Variants in TBC1D32 observed in about 807,000 individuals in gnomAD.
The protein encoded by TBC1D32 is protein broad-minded.
TBC1D32 carries 151 observed loss-of-function variants against 170.3 expected under a neutral mutation model. The ratio of observed to expected loss-of-function variants is 0.89; its 90% CI spans 0.78 to 1.01. The LOEUF (loss-of-function observed/expected upper bound fraction) is 1.01. TBC1D32 is among the 50% of genes least tolerant of loss of function. The probability of loss-of-function intolerance (pLI) is 0.00; values close to 1 mark genes in which losing one functional copy is unlikely to be tolerated. For synonymous variants in TBC1D32, 498 were observed against 488.0 expected (o/e 1.02, Z -0.27); for missense variants, 1,464 against 1,457.1 (o/e 1.00, Z -0.08).
At chr6:121,308,559 G>T (rs1321560274) in intron 4 of TBC1D32, among the ~76,000 whole-genome samples, 1 of 151,532 alleles carries the variant, frequency 6.6e-6, no homozygotes, top group South Asian at 2.1e-4. Flanking sequence ...AAAACAATCA[G>T]TTTGAACTTG....
chr6:121,327,713 G>A (rs1213442411), intron 1 of TBC1D32, among the ~76,000 whole-genome samples: 1 of 152,146 alleles, frequency 6.6e-6, no homozygotes, highest in Non-Finnish European at 1.5e-5. Flanking sequence ...TAAGAAATAT[G>A]AGCCTGGTGT....
intron 29 of TBC1D32, among the ~76,000 whole-genome samples, chr6:121,107,704 T>C (rs1214077559): frequency 6.6e-6 from 1 of 151,970 alleles, no homozygotes; most frequent in Admixed American, 6.6e-5. Context: ...AATCAACTCA[T>C]AAGTGTATTT....
intron 11 of TBC1D32, among the ~76,000 whole-genome samples, chr6:121,294,063 A>C (rs1477192996): frequency 6.6e-6 from 1 of 152,206 alleles, no homozygotes; most frequent in East Asian, 1.9e-4. Context: ...CATTTTAGTC[A>C]ATAACTACAG....
intron 31 of TBC1D32, among the ~76,000 whole-genome samples, chr6:121,086,523 C>G (rs1409456355): frequency 6.6e-6 from 1 of 152,104 alleles, no homozygotes; most frequent in Non-Finnish European, 1.5e-5. Context: ...ATAGCAGCTG[C>G]AATAGCACCA....
intron 22 of TBC1D32, among the ~76,000 whole-genome samples, chr6:121,201,025 G>A (rs976819328): frequency 4.0e-5 from 6 of 151,114 alleles, no homozygotes; most frequent in Non-Finnish European, 8.8e-5. Flanking sequence ...AGATGGGTGA[G>A]GGCTTTATAA....
chr6:121,091,376 C>T (rs1776781274), intron 30 of TBC1D32, among the ~76,000 whole-genome samples: 1 of 152,200 alleles, frequency 6.6e-6, no homozygotes, highest in South Asian at 2.1e-4. Context: ...TGCTAAGAGA[C>T]TATTTTAATT....
chr6:121,086,872 C>A (rs761718516), intron 31 of TBC1D32, among the ~76,000 whole-genome samples: 2 of 152,122 alleles, frequency 1.3e-5, no homozygotes, highest in African/African-American at 4.8e-5. Flanking sequence ...TGTGTGTATG[C>A]GCGCTACAGA....
intron 15 of TBC1D32, among the ~76,000 whole-genome samples, chr6:121,264,696 A>T (rs956159202): frequency 7.9e-5 from 12 of 152,178 alleles, no homozygotes; most frequent in African/African-American, 2.9e-4. Context: ...ATCCAGCAGC[A>T]CATCAAAAAG....
chr6:121,309,991 C>A (rs1023077673), intron 4 of TBC1D32, among the ~76,000 whole-genome samples: 2 of 151,882 alleles, frequency 1.3e-5, no homozygotes, highest in African/African-American at 2.4e-5. Flanking sequence ...TTCATGATTG[C>A]GCCACTGTGC....
At chr6:121,325,211 CAAAA>C (rs1241989773) in intron 1 of TBC1D32, among the ~76,000 whole-genome samples, 1 of 67,934 alleles carries the variant, frequency 1.5e-5, no homozygotes, top group African/African-American at 4.7e-5. Flanking sequence ...GACTCCATCT[CAAAA>C]AAAAAAAAAA....
At chr6:121,085,350 C>CATATATATACATATATATATGTGTATAT (rs1776138608) in intron 31 of TBC1D32, among the ~76,000 whole-genome samples, 1 of 108,170 alleles carries the variant, frequency 9.2e-6, no homozygotes, top group Non-Finnish European at 1.6e-5. Flanking sequence ...TATATACATA[C>CATATATATACATATATATATGTGTATAT]ATATATATAC....
At chr6:121,081,193 A>G (rs761553378) in intron 31 of TBC1D32, among the ~76,000 whole-genome samples, 21 of 152,220 alleles carry the variant, frequency 1.4e-4, no homozygotes, top group Non-Finnish European at 2.4e-4. Flanking sequence ...ATCATGTTAT[A>G]CAATGATTGT....
chr6:121,220,248 T>C (rs1355310550), intron 21 of TBC1D32, among the ~76,000 whole-genome samples: 1 of 152,144 alleles, frequency 6.6e-6, no homozygotes, highest in Non-Finnish European at 1.5e-5. Context: ...AAGTTGTGCA[T>C]GCAAAGAAAA....
intron 24 of TBC1D32, 43 bp downstream of exon 24, chr6:121,159,967 A>G (rs375730401): frequency 4.1e-4 from 552 of 1,355,372 alleles, no homozygotes; most frequent in Non-Finnish European, 4.3e-4. Context: ...AATTATAACA[A>G]AAGCTTTAAA....
At chr6:121,299,553 A>C in intron 9 of TBC1D32, 48 bp from the exon 10 acceptor site, 1 of 1,451,974 alleles carries the variant, frequency 6.9e-7, no homozygotes, top group Non-Finnish European at 9.3e-7. Context: ...GTGCCACTCA[A>C]AATCTATTTT....
intron 22 of TBC1D32, among the ~76,000 whole-genome samples, chr6:121,194,737 C>T (rs1478224865): frequency 6.6e-6 from 1 of 152,220 alleles, no homozygotes; most frequent in Non-Finnish European, 1.5e-5. Context: ...TGTCCCACCT[C>T]AGAGGTATAT....
rs1755540820 is a variant in TBC1D32 at position 121,245,733 on chromosome 6, C to T, written c.2019-3394G>A. Among the ~76,000 whole-genome samples the T allele has an allele frequency of 2.6e-5, 4 of 151,998 alleles. No homozygotes were observed. In the South Asian group the frequency reaches 6.2e-4, roughly 24 times the overall value. On this transcript the variant is annotated intron_variant, in intron 17 of 31. Coordinates refer to ENST00000398212, the MANE Select transcript of TBC1D32 (RefSeq NM_152730.6). The stretch of plus-strand genomic sequence containing the variant: ...CAGCCCCACGGGAGGAGCAAACTCC[C>T]CTCCCCCCATCCCCAGATTCAGGCC...
intron 24 of TBC1D32, 69 bp from the exon 25 acceptor site, chr6:121,131,821 CT>C: frequency 1.6e-6 from 2 of 1,272,706 alleles, no homozygotes; most frequent in Non-Finnish European, 2.1e-6. Context: ...TTAATGTTAA[CT>C]ATGTAAACAG....
At chr6:121,249,386 T>C (rs1008947262) in intron 17 of TBC1D32, among the ~76,000 whole-genome samples, 5 of 151,864 alleles carry the variant, frequency 3.3e-5, no homozygotes, top group Non-Finnish European at 7.4e-5. Context: ...GTTGAAAGCA[T>C]TCCCCCTGAG....
Sources: allele counts gnomAD v4.1 joint callset (sites outside exome capture counted in the v4.1 genomes callset), GRCh38; gene constraint gnomAD v4.1.1; transcripts MANE v1.5; gene names NCBI Gene and HGNC (gene_info 2026-07-23, HGNC 2026-07-21).